Variants in APBB2 observed in about 807,000 individuals in gnomAD.
APBB2 encodes Fe65-like 1.
A neutral mutation model predicts 82.5 loss-of-function variants in APBB2; 38 were observed. The observed-to-expected ratio is 0.46, with a 90% CI of 0.36 to 0.60. The LOEUF (loss-of-function observed/expected upper bound fraction) is 0.60. Ranked by LOEUF, APBB2 falls within the 20% of genes least tolerant of loss-of-function variation. The pLI is 0.00. For missense variants in APBB2, 772 were observed against 972.3 expected (o/e 0.79, Z 2.74); for synonymous variants, 341 against 368.2 (o/e 0.93, Z 0.85).
At chr4:40,990,420 A>G (rs1801697714) in intron 6 of APBB2, 1 of 152,068 alleles carries the variant, frequency 6.6e-6, no homozygotes, top group Non-Finnish European at 1.5e-5. Flanking sequence ...TTTTTTGCAA[A>G]AGTGCCAGAA....
rs1740484082 is a variant in APBB2, at chr4:41,088,198, T to A, written c.-149+12441A>T. Among the ~76,000 whole-genome samples the A allele has an allele frequency of 3.3e-5, 5 of 152,200 alleles. No individual in the cohort carries two copies. The South Asian group carries it at 1.0e-3, about 32-fold the overall frequency. On this transcript the variant is annotated intron_variant, in intron 3 of 17. Transcript: ENST00000508593. ...CATAAGGAGGTGGTACAACCATGAT[T>A]GTAAACTCAGGCTTCCTGTGTTCCT...
At chr4:40,888,703 T>C (rs34688371) in intron 12 of APBB2, among the ~76,000 whole-genome samples, 12,734 of 35,218 alleles carry the variant, frequency 0.36, 2,344 homozygotes, top group East Asian at 0.66. Context: ...GCCTCGCACA[T>C]GTATGTAATG....
At chr4:40,970,847 A>G (rs1377721058) in intron 6 of APBB2, among the ~76,000 whole-genome samples, 2 of 152,154 alleles carry the variant, frequency 1.3e-5, no homozygotes, top group African/African-American at 4.8e-5. Flanking sequence ...CAGGCAAACC[A>G]TCACCTTAAG....
At chr4:41,058,225 C>T (rs1728512865) in intron 4 of APBB2, among the ~76,000 whole-genome samples, 4 of 151,620 alleles carry the variant, frequency 2.6e-5, no homozygotes, top group Non-Finnish European at 2.9e-5. Context: ...AAAGGACACT[C>T]TTTTATTACA....
chr4:41,072,157 G>A lies in APBB2; in HGVS notation c.-148-6484C>T, dbSNP rs150708541. Among the ~76,000 whole-genome samples the A allele has an allele frequency of 1.7e-3, 265 of 152,324 alleles. 7 individuals carry two copies. The East Asian group carries it at 0.037, about 21-fold the overall frequency. On this transcript the variant is annotated intron_variant, in intron 3 of 17. Coordinates refer to ENST00000508593, the MANE Select transcript of APBB2 (RefSeq NM_004307.2). ...TACAGAGCCAGGTCTGAAGTCAAGA[G>A]CTGTGGCCGACTAGAGTCAGGATCT...
chr4:41,159,975 G>GAA (rs1365764013), intron 1 of APBB2, among the ~76,000 whole-genome samples: 3 of 125,200 alleles, frequency 2.4e-5, no homozygotes, highest in Non-Finnish European at 5.1e-5. Context: ...AGAAGAAGAA[G>GAA]AAGAAGAAGA....
intron 1 of APBB2, among the ~76,000 whole-genome samples, chr4:41,187,466 G>A (rs1012665661): frequency 5.3e-5 from 8 of 152,116 alleles, no homozygotes; most frequent in African/African-American, 1.9e-4. Flanking sequence ...ACACAGATAG[G>A]AGATAAATGA....
chr4:41,061,152 T>C (rs1729689220), intron 4 of APBB2, among the ~76,000 whole-genome samples: 2 of 152,176 alleles, frequency 1.3e-5, no homozygotes, highest in African/African-American at 2.4e-5. Flanking sequence ...ATTGTAACAG[T>C]CCAGATCCTC....
At position 40,816,126 on chromosome 4, in the gene APBB2, A is replaced by G; in HGVS notation, c.2246T>C (p.Leu749Ser). The G allele has an allele frequency of 6.2e-7, 1 of 1,614,056 alleles. No homozygotes were observed. The change falls in exon 18 of 18, where the codon TTG (leucine) becomes TCG (serine). Residue 749 changes from leucine (L) to serine (S), a missense_variant. Coordinates refer to ENST00000508593, the MANE Select transcript of APBB2 (RefSeq NM_004307.2). ...TTCGGTGACAGGGCGTTTCTGTTTC[A>G]AAGTGTCAATGAGGGATAAGACCCC... Reference protein sequence around the residue: ...KRGVLSLIDTLKQKRPVTEMP With the variant: ...KRGVLSLIDTSKQKRPVTEMP
chr4:40,846,546 G>C (rs920720220), intron 12 of APBB2, among the ~76,000 whole-genome samples: 1 of 152,070 alleles, frequency 6.6e-6, no homozygotes, highest in East Asian at 1.9e-4. Flanking sequence ...TCATCTCAGG[G>C]AAAGGTTCTA....
At chr4:40,984,485 G>A (rs970138137) in intron 6 of APBB2, among the ~76,000 whole-genome samples, 1 of 152,178 alleles carries the variant, frequency 6.6e-6, no homozygotes, top group African/African-American at 2.4e-5. Flanking sequence ...CCAAAGAAAG[G>A]AAGGGTGGGG....
At chr4:41,047,289 G>C (rs925735446) in intron 4 of APBB2, among the ~76,000 whole-genome samples, 1 of 152,210 alleles carries the variant, frequency 6.6e-6, no homozygotes, top group African/African-American at 2.4e-5. Flanking sequence ...GCAGATAAAA[G>C]TATCTCAAAG....
At chr4:41,120,809 T>C (rs1247099215) in intron 2 of APBB2, among the ~76,000 whole-genome samples, 1 of 152,226 alleles carries the variant, frequency 6.6e-6, no homozygotes, top group Non-Finnish European at 1.5e-5. Context: ...ACCATTTTGT[T>C]AGTAGAACCT....
At chr4:40,821,157 C>T (rs1476592069) in intron 17 of APBB2, among the ~76,000 whole-genome samples, 2 of 152,210 alleles carry the variant, frequency 1.3e-5, no homozygotes, top group African/African-American at 4.8e-5. Context: ...TAAGCCACCA[C>T]CCCCGGCCCA....
chr4:40,862,937 T>C lies in APBB2; in HGVS notation c.1529+27427A>G, dbSNP rs143237682. 1.7e-3 allele frequency among the ~76,000 whole-genome samples: 258 copies of C among 151,602 alleles called. 2 individuals are homozygous for C. The highest frequency in any genetic ancestry group is 6.1e-3 in the African/African-American group (252 of 41,290). ...AAACAGACTCCTCGCTTTTTTTACATAAGCACCGTCCCTTCTGACCCAAAT... is the reference window on the plus strand; with the variant it reads ...AAACAGACTCCTCGCTTTTTTTACACAAGCACCGTCCCTTCTGACCCAAAT... On this transcript the variant is annotated intron_variant, in intron 12 of 17. Transcript: ENST00000508593.
intron 5 of APBB2, among the ~76,000 whole-genome samples, chr4:41,027,490 C>A (rs978529635): frequency 6.6e-6 from 1 of 151,132 alleles, no homozygotes; most frequent in Non-Finnish European, 1.5e-5. Flanking sequence ...CTTCTAAATT[C>A]TCCACATCCT....
At chr4:41,197,307 C>G in intron 1 of APBB2, among the ~76,000 whole-genome samples, 1 of 152,192 alleles carries the variant, frequency 6.6e-6, no homozygotes, top group Non-Finnish European at 1.5e-5. Flanking sequence ...TCCAAGCCCA[C>G]AGGAATCACT....
intron 3 of APBB2, among the ~76,000 whole-genome samples, chr4:41,083,934 A>G (rs949660387): frequency 1.1e-4 from 16 of 152,260 alleles, no homozygotes; most frequent in African/African-American, 3.8e-4. Context: ...GCTGTGAATC[A>G]TAGCTGCAAA....
chr4:41,206,700 C>T (rs1489320599), intron 1 of APBB2, among the ~76,000 whole-genome samples: 2 of 152,188 alleles, frequency 1.3e-5, no homozygotes, highest in South Asian at 2.1e-4. Context: ...GAAATTTTAA[C>T]GGTATTAGTT....
Sources: allele counts gnomAD v4.1 joint callset (sites outside exome capture counted in the v4.1 genomes callset), GRCh38; gene constraint gnomAD v4.1.1; transcripts MANE v1.5; gene names NCBI Gene and HGNC (gene_info 2026-07-23, HGNC 2026-07-21).